The following MEGF9 variants were observed in gnomAD, a reference collection of about 807,000 sequenced individuals.
MEGF9 encodes the protein multiple epidermal growth factor-like domains protein 9.
In MEGF9, 6 loss-of-function variants were observed where a neutral mutation model predicts 46.8. The ratio of observed to expected loss-of-function variants is 0.13; its 90% CI spans 0.07 to 0.25. The LOEUF (loss-of-function observed/expected upper bound fraction) is 0.25. MEGF9 is among the 10% of genes least tolerant of loss of function. The probability of loss-of-function intolerance (pLI) is 1.00; values close to 1 mark genes in which losing one functional copy is unlikely to be tolerated. For missense variants in MEGF9, 683 were observed against 792.4 expected, an observed-to-expected ratio of 0.86 and a Z score of 1.66; for synonymous variants, 302 against 330.7, an observed-to-expected ratio of 0.91 and a Z score of 0.94.
At chr9:120,663,514 T>C (rs933318293) in intron 1 of MEGF9, among the ~76,000 whole-genome samples, 4 of 152,158 alleles carry the variant, frequency 2.6e-5, no homozygotes, top group Non-Finnish European at 5.9e-5. Context: ...TTTCAATTGA[T>C]AGAAGCAATG....
intron 2 of MEGF9, among the ~76,000 whole-genome samples, chr9:120,655,562 G>T (rs565240320): frequency 5.1e-4 from 78 of 152,224 alleles, no homozygotes; most frequent in African/African-American, 1.9e-3. Context: ...CCTCTTGCAT[G>T]AATCGTCCAT....
At chr9:120,655,805 C>A (rs1201839212) in intron 2 of MEGF9, among the ~76,000 whole-genome samples, 1 of 152,168 alleles carries the variant, frequency 6.6e-6, no homozygotes, top group Non-Finnish European at 1.5e-5. Flanking sequence ...TTAACAGTGG[C>A]TACAAGTAGT....
At chr9:120,687,810 G>A (rs1402035939) in intron 1 of MEGF9, among the ~76,000 whole-genome samples, 1 of 150,488 alleles carries the variant, frequency 6.6e-6, no homozygotes, top group East Asian at 1.9e-4. Flanking sequence ...ACACCAGGAG[G>A]CTATGATCAT....
Position 120,601,432 on chromosome 9 carries a change from C to G in MEGF9, c.*3758G>C, listed in dbSNP as rs549867002. 6.6e-6 allele frequency: 1 copy of G among 152,286 alleles called. No homozygotes were observed. The highest frequency in any genetic ancestry group is 2.1e-4 in the South Asian group (1 of 4,828). 9.4% of individuals were successfully genotyped at this position (152,286 alleles called of 1,614,324 possible). On this transcript the variant is annotated 3_prime_UTR_variant, in exon 6 of 6. Transcript: ENST00000373930. ...GTATTGTTGCTTTAGTTTTCTACTCCCAAAACAGCACTTAAAGGGTTAAAT... is the reference window on the plus strand; with the variant it reads ...GTATTGTTGCTTTAGTTTTCTACTCGCAAAACAGCACTTAAAGGGTTAAAT...
chr9:120,613,158 A>G (rs1002663898), intron 3 of MEGF9, among the ~76,000 whole-genome samples: 2 of 152,314 alleles, frequency 1.3e-5, no homozygotes, highest in Middle Eastern at 6.8e-3. Flanking sequence ...TCTTAAAAAG[A>G]ATGTTGGTTG....
rs145356470 is a variant in MEGF9, at chr9:120,605,492, A to G, written c.1507T>C (p.Ser503Pro). 1 of 1,614,036 alleles carries G rather than the reference A, an allele frequency of 6.2e-7. No individual in the cohort carries two copies. The highest frequency in any genetic ancestry group is 1.3e-5 in the African/African-American group (1 of 75,060). ...FSVSTSENST[S>P]ALADVSWTQF... ...GTCCATGATACATCAGCTAAAGCTGAAGTGCTGTTTTCAGAAGTGCTTACT... is the reference window on the plus strand; with the variant it reads ...GTCCATGATACATCAGCTAAAGCTGGAGTGCTGTTTTCAGAAGTGCTTACT... Residue 503 changes from serine to proline, a missense_variant, in exon 6 of 6, where the codon TCA (serine) becomes CCA (proline). Ser to Pro is a moderately conservative substitution (Grantham distance 74). Coordinates refer to ENST00000373930, the MANE Select transcript of MEGF9 (RefSeq NM_001080497.3). The surrounding 1 kb of genome is among the most constrained non-coding windows in gnomAD (Gnocchi z 4.0).
chr9:120,703,497 T>C (rs745473488), intron 1 of MEGF9, among the ~76,000 whole-genome samples: 3 of 152,178 alleles, frequency 2.0e-5, no homozygotes, highest in African/African-American at 7.2e-5. Context: ...AATGACACGA[T>C]GTACGTAAAA....
At chr9:120,682,957 A>C (rs1448387692) in intron 1 of MEGF9, among the ~76,000 whole-genome samples, 1 of 152,210 alleles carries the variant, frequency 6.6e-6, no homozygotes, top group Non-Finnish European at 1.5e-5. Flanking sequence ...GTTATGCCAT[A>C]CTATCTTGGG....
rs1170359859 is a variant in MEGF9 at position 120,655,747 on chromosome 9, T to C, written c.803+3627A>G. On this transcript the variant is annotated intron_variant, in intron 2 of 5. Coordinates refer to ENST00000373930, the MANE Select transcript of MEGF9 (RefSeq NM_001080497.3). ...AAAGTAACAAACTCCAATGTTAGGA[T>C]ATAAAATGCTGAAAACATCACTTCC... 3.3e-5 allele frequency among the ~76,000 whole-genome samples: 5 copies of C among 152,188 alleles called. No homozygotes were observed. In the South Asian group the frequency reaches 6.2e-4, roughly 19 times the overall value.
intron 2 of MEGF9, among the ~76,000 whole-genome samples, chr9:120,650,128 G>C (rs1587984066): frequency 6.6e-6 from 1 of 152,132 alleles, no homozygotes; most frequent in South Asian, 2.1e-4. Flanking sequence ...TATTAGCCGG[G>C]CGTGGTGGCG....
intron 2 of MEGF9, among the ~76,000 whole-genome samples, chr9:120,646,344 C>A (rs1205707684): frequency 6.6e-6 from 1 of 152,160 alleles, no homozygotes; most frequent in Non-Finnish European, 1.5e-5. Flanking sequence ...AAACCCAAAT[C>A]ATCCGTCTGG....
intron 1 of MEGF9, among the ~76,000 whole-genome samples, chr9:120,701,160 G>T (rs1281828208): frequency 1.3e-5 from 2 of 151,144 alleles, no homozygotes; most frequent in African/African-American, 4.9e-5. Context: ...AATTAAAAAG[G>T]AGTAGGAAAT....
intron 2 of MEGF9, among the ~76,000 whole-genome samples, chr9:120,632,499 G>A (rs2043555088): frequency 6.6e-6 from 1 of 152,020 alleles, no homozygotes; most frequent in Non-Finnish European, 1.5e-5. Flanking sequence ...CTTTTTGGTG[G>A]AGCTTTTAGG....
intron 1 of MEGF9, among the ~76,000 whole-genome samples, chr9:120,704,762 A>G (rs2043920806): frequency 6.6e-6 from 1 of 152,224 alleles, no homozygotes; most frequent in South Asian, 2.1e-4. Context: ...GTAAGCCATA[A>G]TGCACTGCAC....
chr9:120,610,704 T>C (rs1234293781), intron 4 of MEGF9, among the ~76,000 whole-genome samples: 1 of 152,138 alleles, frequency 6.6e-6, no homozygotes, highest in Non-Finnish European at 1.5e-5. Flanking sequence ...TATTGCACTG[T>C]AGTACGAGAG....
At chr9:120,616,723 A>G (rs2132301353) in intron 3 of MEGF9, among the ~76,000 whole-genome samples, 1 of 150,546 alleles carries the variant, frequency 6.6e-6, no homozygotes, top group Non-Finnish European at 1.5e-5. Context: ...TTAATGTCAA[A>G]TTTGTGTTCC....
chr9:120,711,421 T>C (rs2043952651), intron 1 of MEGF9, among the ~76,000 whole-genome samples: 2 of 152,344 alleles, frequency 1.3e-5, no homozygotes, highest in African/African-American at 4.8e-5. Flanking sequence ...TTTTTTAAAA[T>C]CTATTTTTAA....
At chr9:120,608,501 T>G (rs1197350824) in intron 4 of MEGF9, among the ~76,000 whole-genome samples, 2 of 152,228 alleles carry the variant, frequency 1.3e-5, no homozygotes, top group Admixed American at 1.3e-4. Flanking sequence ...ATGTGGGTAC[T>G]CTGCAGACTT....
At chr9:120,688,378 G>T (rs1225165244) in intron 1 of MEGF9, among the ~76,000 whole-genome samples, 9 of 152,106 alleles carry the variant, frequency 5.9e-5, no homozygotes, top group Admixed American at 5.9e-4. Context: ...TAACAGCAGG[G>T]CTGTATCAGG....
Sources: allele counts gnomAD v4.1 joint callset (sites outside exome capture counted in the v4.1 genomes callset), GRCh38; gene constraint gnomAD v4.1.1; non-coding constraint Gnocchi (gnomAD v3.1); transcripts MANE v1.5; gene names NCBI Gene and HGNC (gene_info 2026-07-23, HGNC 2026-07-21).